The following CEP44 variants were observed in gnomAD, a reference collection of about 807,000 sequenced individuals.
CEP44 encodes the protein centrosomal protein of 44 kDa.
In CEP44, 45 loss-of-function variants were observed where a neutral mutation model predicts 46.7. The observed-to-expected ratio is 0.96, with a 90% CI of 0.76 to 1.24. The LOEUF is 1.24. Among genes scored for constraint, CEP44 ranks in the 50% most tolerant of loss-of-function variants. CEP44 has a pLI of 0.00. For synonymous variants in CEP44, 142 were observed against 146.0 expected, an observed-to-expected ratio of 0.97 and a Z score of 0.20; for missense variants, 475 against 459.7, an observed-to-expected ratio of 1.03 and a Z score of -0.30.
At chr4:174,284,052 T>C (rs1456041871) in intron 1 of CEP44, 109 bp downstream of exon 1, 1 of 399,146 alleles carries the variant, frequency 2.5e-6, no homozygotes, top group Non-Finnish European at 4.4e-6. Flanking sequence ...GGCTGGACTC[T>C]GGTGACTGTG....
rs918682652 is a variant in CEP44, at chr4:174,329,331, CACACACACAG to C, written c.1087-2141_1087-2132del. Among the ~76,000 whole-genome samples, 55 of 148,386 alleles carry C rather than the reference CACACACACAG, an allele frequency of 3.7e-4. No homozygotes were observed. Among genetic ancestry groups the C allele is most frequent in the African/African-American group, 1.3e-3 (53 of 40,878 alleles). On this transcript the variant is annotated intron_variant, in intron 8 of 8. Transcript: ENST00000426172. The surrounding 1 kb of genome is among the most constrained non-coding windows in gnomAD (Gnocchi z 4.0). ...GGAAAGCCCTTTGCTCAAACACAGA[CACACACACAG>C]ACACACACACACACACACATTTTAA...
At position 174,331,773 on chromosome 4, in the gene CEP44, GTTGT is replaced by G; in HGVS notation, c.*183_*186del. Reference sequence around the variant, plus strand: ...CTTCCTGCTACATGGGTAACACTTAGTTGTTTGTCTAATTTCTATTTTCCAGAAA... The same window carrying G: ...CTTCCTGCTACATGGGTAACACTTAGTTGTCTAATTTCTATTTTCCAGAAA... On this transcript the variant is annotated 3_prime_UTR_variant, in exon 9 of 9. Coordinates refer to the CEP44 transcript ENST00000426172. The surrounding 1 kb of genome is among the most constrained non-coding windows in gnomAD (Gnocchi z 4.5). 2.8e-6 allele frequency: 2 copies of G among 704,960 alleles called. No homozygotes were observed. The allele number at this position is 704,960 out of a possible 1,614,324, so 43.7% of individuals were successfully genotyped here. A position where few individuals can be genotyped will look rare whatever the true frequency, so the allele number is the denominator to read the frequency against.
rs753012506 is a variant in CEP44, at chr4:174,316,118, A to G, written c.962-48A>G. The G allele has an allele frequency of 3.8e-6, 6 of 1,587,754 alleles. No homozygotes were observed. In the Admixed American group the frequency reaches 1.1e-4, roughly 30 times the overall value. On this transcript the variant is annotated intron_variant, in intron 9 of 11. Coordinates refer to ENST00000503780, the MANE Select transcript of CEP44 (RefSeq NM_001040157.3). ...TGTAAATAATATTTTTAGATATTTG[A>G]CTCTTCTGTGAAAGGAAAAGGTAAT... is the stretch of plus-strand genomic sequence containing the variant.
rs910796945 is a variant in CEP44, at chr4:174,311,989, A to G, written c.961+1131A>G. On this transcript the variant is annotated intron_variant, in intron 9 of 11. Coordinates refer to ENST00000503780, the MANE Select transcript of CEP44 (RefSeq NM_001040157.3). The surrounding 1 kb of genome is among the most constrained non-coding windows in gnomAD (Gnocchi z 4.4). ...GTTTTATTTATCCATTCATATATCTATTCAACAAATGTTAATGCTTGAGTA... is the reference window on the plus strand; with the variant it reads ...GTTTTATTTATCCATTCATATATCTGTTCAACAAATGTTAATGCTTGAGTA... 6.6e-6 allele frequency among the ~76,000 whole-genome samples: 1 copy of G among 152,230 alleles called. No individual in the cohort carries two copies. The highest frequency in any genetic ancestry group is 1.5e-5 in the Non-Finnish European group (1 of 68,038).
At chr4:174,308,600 C>T (rs1740713313) in intron 6 of CEP44, 89 bp from the exon 7 acceptor site, 12 of 1,270,176 alleles carry the variant, frequency 9.4e-6, no homozygotes, top group Non-Finnish European at 1.3e-5. Context: ...AACAAACCTG[C>T]ACATGGACCC....
chr4:174,301,335 C>T lies in CEP44; in HGVS notation c.90-704C>T, dbSNP rs1158906894. Among the ~76,000 whole-genome samples, 2 of 152,104 alleles carry T rather than the reference C, an allele frequency of 1.3e-5. No individual in the cohort carries two copies. The highest frequency in any genetic ancestry group is 6.5e-5 in the Admixed American group (1 of 15,268). On this transcript the variant is annotated intron_variant, in intron 3 of 11. Coordinates refer to ENST00000503780, the MANE Select transcript of CEP44 (RefSeq NM_001040157.3). This position sits in a 1 kb window ranked among gnomAD's most constrained non-coding sequence, Gnocchi z 4.3. ...AAACACTACCAGACAGATAAAGACACAGCAGATACTGAGTAGCCTGGGAGT... is the reference window on the plus strand; with the variant it reads ...AAACACTACCAGACAGATAAAGACATAGCAGATACTGAGTAGCCTGGGAGT...
At chr4:174,300,349 C>A (rs1459386660) in intron 3 of CEP44, among the ~76,000 whole-genome samples, 2 of 152,050 alleles carry the variant, frequency 1.3e-5, no homozygotes, top group Non-Finnish European at 1.5e-5. Context: ...AGATGTAATC[C>A]ATGTATGTAA....
Position 174,304,372 on chromosome 4 carries a change from A to T in CEP44, c.507+3A>T. 1 of 1,604,304 alleles carries T rather than the reference A, an allele frequency of 6.2e-7. No homozygotes were observed. The highest frequency in any genetic ancestry group is 1.1e-5 in the South Asian group (1 of 88,164). ...GCAGGTTTATGACCTCAGGAAAGGTATGCAACCACAAAGAAAATATCATAT... is the reference window on the plus strand; with the variant it reads ...GCAGGTTTATGACCTCAGGAAAGGTTTGCAACCACAAAGAAAATATCATAT... On this transcript the variant is annotated splice_donor_region_variant and intron_variant, in intron 6 of 11. Coordinates refer to ENST00000503780, the MANE Select transcript of CEP44 (RefSeq NM_001040157.3).
chr4:174,295,276 G>A (rs572498485), intron 1 of CEP44, among the ~76,000 whole-genome samples: 20 of 151,420 alleles, frequency 1.3e-4, no homozygotes, highest in African/African-American at 3.6e-4. Context: ...CAGACGGAGC[G>A]GCTGGGCAGA....
chr4:174,308,111 G>A (rs2126624146), intron 6 of CEP44, among the ~76,000 whole-genome samples: 1 of 152,152 alleles, frequency 6.6e-6, no homozygotes, highest in Admixed American at 6.6e-5. Context: ...ATATACTTAA[G>A]GGAATATAAA....
At chr4:174,315,655 T>A (rs140839109) in intron 9 of CEP44, among the ~76,000 whole-genome samples, 1,557 of 152,016 alleles carry the variant, frequency 0.01, 25 homozygotes, top group African/African-American at 0.036. Flanking sequence ...AAGAAAAGAA[T>A]ACGGTGAAAC....
intron 4 of CEP44, among the ~76,000 whole-genome samples, chr4:174,302,911 G>T (rs752613927): frequency 5.9e-5 from 9 of 151,574 alleles, no homozygotes; most frequent in Non-Finnish European, 1.0e-4. Flanking sequence ...CTCCTGAGTA[G>T]CTGGGACTAC....
chr4:174,303,973 A>G (rs1740064526), intron 5 of CEP44, 124 bp downstream of exon 5: 5 of 743,472 alleles, frequency 6.7e-6, no homozygotes, highest in Non-Finnish European at 1.0e-5. Context: ...TATTATTCAA[A>G]GATTTGAGTA....
intron 1 of CEP44, among the ~76,000 whole-genome samples, chr4:174,284,444 A>G (rs575429106): frequency 6.6e-6 from 1 of 152,270 alleles, no homozygotes; most frequent in East Asian, 1.9e-4. Context: ...ACGGCTCCTG[A>G]CTATAAGGAA....
In CEP44 at chr4:174,287,373, A is replaced by T. The variant is rs1224939002; in HGVS notation, c.-148+3430A>T. ...GGGATTAATTAGTTTGGGATCTAAG[A>T]CTTATTTGAGGTGGTGACATTTAAG... is the stretch of plus-strand genomic sequence containing the variant. On this transcript the variant is annotated intron_variant, in intron 1 of 11. Transcript: ENST00000503780. The surrounding 1 kb of genome is among the most constrained non-coding windows in gnomAD (Gnocchi z 5.1). Among the ~76,000 whole-genome samples, 5 of 152,084 alleles carry T rather than the reference A, an allele frequency of 3.3e-5. No individual in the cohort carries two copies. Among genetic ancestry groups the T allele is most frequent in the African/African-American group, 1.2e-4 (5 of 41,408 alleles).
chr4:174,312,267 T>G lies in CEP44; in HGVS notation c.961+1409T>G, dbSNP rs577727891. Among the ~76,000 whole-genome samples, 3 of 145,282 alleles carry G rather than the reference T, an allele frequency of 2.1e-5. No individual in the cohort carries two copies. In the Admixed American group the frequency reaches 2.1e-4, roughly 10 times the overall value. On this transcript the variant is annotated intron_variant, in intron 9 of 11. Coordinates refer to ENST00000503780, the MANE Select transcript of CEP44 (RefSeq NM_001040157.3). The surrounding 1 kb of genome is among the most constrained non-coding windows in gnomAD (Gnocchi z 4.5). ...CCTATTTAGAAAACACATGGCTAAG[T>G]TTTTTTTTTTTAATTTTTTAATTTT... is the stretch of plus-strand genomic sequence containing the variant.
At chr4:174,291,787 CTTTTTTTTTTT>C (rs56201469) in intron 1 of CEP44, among the ~76,000 whole-genome samples, 82 of 46,412 alleles carry the variant, frequency 1.8e-3, no homozygotes, top group African/African-American at 6.4e-3. Context: ...TTTTTCTTTT[CTTTTTTTTTTT>C]TTTTTTTTTT....
chr4:174,295,401 A>G (rs1182391139), intron 1 of CEP44, among the ~76,000 whole-genome samples: 1 of 151,196 alleles, frequency 6.6e-6, no homozygotes, highest in Non-Finnish European at 1.5e-5. Flanking sequence ...GCGGCCGGGC[A>G]GAGACGCTCC....
At chr4:174,294,784 T>G (rs867569801) in intron 1 of CEP44, among the ~76,000 whole-genome samples, 121 of 95,392 alleles carry the variant, frequency 1.3e-3, no homozygotes, top group Admixed American at 1.8e-3. Flanking sequence ...TCCCGGACGG[T>G]GCGGCTGGCC....
Sources: gnomAD v4.1 joint callset for allele counts (sites outside exome capture counted in the v4.1 genomes callset) on GRCh38, gnomAD v4.1.1 for gene constraint, Gnocchi (gnomAD v3.1) non-coding constraint, MANE v1.5 for transcripts, NCBI Gene and HGNC (gene_info 2026-07-23, HGNC 2026-07-21) for gene names.